Variants in SKAP1 observed in about 807,000 individuals in gnomAD.
The protein encoded by SKAP1 is src kinase associated phosphoprotein 1.
Under a neutral mutation model 58.5 loss-of-function variants are expected in SKAP1, and 44 were observed. That is an observed-to-expected ratio of 0.75 (90% CI 0.59 to 0.97). SKAP1 has a LOEUF of 0.97. Among genes scored for constraint, SKAP1 ranks in the 50% least tolerant of loss-of-function variants. The pLI, the probability that SKAP1 is intolerant of heterozygous loss-of-function variation, is 0.00. For missense variants in SKAP1, 390 were observed against 435.2 expected (o/e 0.90, Z 0.92); for synonymous variants, 127 against 149.7 (o/e 0.85, Z 1.11).
Position 48,346,015 on chromosome 17 carries a change from C to A in SKAP1, c.179-9G>T. ...CTGTCCAATGTCTCCCCCTGAGGGA[C>A]AAAAAAGACAGAAAATAAGGTTAAT... On this transcript the variant is annotated splice_polypyrimidine_tract_variant and intron_variant, in intron 3 of 12. Coordinates refer to ENST00000336915, the MANE Select transcript of SKAP1 (RefSeq NM_003726.4). The A allele has an allele frequency of 6.5e-7, 1 of 1,536,508 alleles. No individual in the cohort carries two copies. Among genetic ancestry groups the A allele is most frequent in the South Asian group, 1.2e-5 (1 of 84,246 alleles).
At chr17:48,351,560 G>A (rs890053455) in intron 3 of SKAP1, among the ~76,000 whole-genome samples, 2 of 152,092 alleles carry the variant, frequency 1.3e-5, no homozygotes, top group Non-Finnish European at 2.9e-5. Flanking sequence ...TGATAGGTCA[G>A]GTAAAGAAAG....
At chr17:48,386,200 G>C (rs770927529) in intron 2 of SKAP1, among the ~76,000 whole-genome samples, 2 of 151,500 alleles carry the variant, frequency 1.3e-5, no homozygotes, top group Non-Finnish European at 2.9e-5. Flanking sequence ...GTCTTTTGTT[G>C]TTCTCAGGTC....
At chr17:48,428,906 C>A (rs1005363618) in intron 1 of SKAP1, among the ~76,000 whole-genome samples, 1 of 151,970 alleles carries the variant, frequency 6.6e-6, no homozygotes. Context: ...ATTTTGGAAA[C>A]CTCACCTCAA....
chr17:48,419,714 A>G (rs1164069134), intron 1 of SKAP1, among the ~76,000 whole-genome samples: 1 of 152,092 alleles, frequency 6.6e-6, no homozygotes, highest in Non-Finnish European at 1.5e-5. Context: ...TACCTTAATT[A>G]ATTCCAGCTA....
At chr17:48,444,444 G>A in the SKAP1 span, among the ~76,000 whole-genome samples, 2 of 152,140 alleles carry the variant, frequency 1.3e-5, no homozygotes, top group Non-Finnish European at 2.9e-5. Context: ...GTTAGCAAAG[G>A]GCACATGAAC....
intron 4 of SKAP1, among the ~76,000 whole-genome samples, chr17:48,236,594 CT>C (rs995360318): frequency 5.9e-5 from 9 of 152,172 alleles, no homozygotes; most frequent in African/African-American, 2.2e-4. Flanking sequence ...TTATAAAATG[CT>C]GTGAGACTAT....
chr17:48,310,159 C>T (rs1013781024), intron 4 of SKAP1, among the ~76,000 whole-genome samples: 2 of 152,222 alleles, frequency 1.3e-5, no homozygotes, highest in African/African-American at 4.8e-5. Flanking sequence ...TTCCAGACAT[C>T]AGTTAACAAA....
chr17:48,396,631 A>G (rs777121777), intron 2 of SKAP1, 49 bp downstream of exon 2: 2 of 1,186,490 alleles, frequency 1.7e-6, no homozygotes, highest in Non-Finnish European at 2.5e-6. Context: ...CTGATTATAA[A>G]TTGTTTTAAA....
intron 2 of SKAP1, among the ~76,000 whole-genome samples, chr17:48,395,173 TATTTTAAAAG>T (rs1372324147): frequency 6.6e-6 from 1 of 152,202 alleles, no homozygotes. Flanking sequence ...TGTGTGTATG[TATTTTAAAAG>T]AGGATTAAGA....
intron 4 of SKAP1, among the ~76,000 whole-genome samples, chr17:48,301,761 G>A (rs2066060506): frequency 6.6e-6 from 1 of 152,150 alleles, no homozygotes. Flanking sequence ...ACAGGCGTGA[G>A]CTACCGCACC....
intron 4 of SKAP1, among the ~76,000 whole-genome samples, chr17:48,342,921 T>C (rs1351674770): frequency 1.3e-5 from 2 of 151,408 alleles, no homozygotes; most frequent in African/African-American, 2.4e-5. Flanking sequence ...GGAGGCAGAG[T>C]TTGCAGTGAG....
intron 4 of SKAP1, among the ~76,000 whole-genome samples, chr17:48,271,019 A>G (rs1393796926): frequency 6.6e-6 from 1 of 152,096 alleles, no homozygotes; most frequent in East Asian, 1.9e-4. Flanking sequence ...TGTCAGAAGG[A>G]GATAGGAGAG....
chr17:48,269,680 T>C (rs2065602192), intron 4 of SKAP1, among the ~76,000 whole-genome samples: 1 of 152,212 alleles, frequency 6.6e-6, no homozygotes, highest in African/African-American at 2.4e-5. Context: ...ACAAAATTAA[T>C]TAGCTTAGCT....
intron 5 of SKAP1, among the ~76,000 whole-genome samples, chr17:48,188,610 C>T (rs2064490957): frequency 6.6e-6 from 1 of 152,080 alleles, no homozygotes; most frequent in Non-Finnish European, 1.5e-5. Context: ...TTGCTTGAGC[C>T]CAGGATTGGA....
chr17:48,159,264 T>C (rs2064035915), intron 11 of SKAP1, among the ~76,000 whole-genome samples: 1 of 152,230 alleles, frequency 6.6e-6, no homozygotes, highest in South Asian at 2.1e-4. Flanking sequence ...AGTTTTGCAG[T>C]GTCAGGCCCA....
Position 48,338,150 on chromosome 17 carries a change from C to A in SKAP1, c.280+7755G>T, listed in dbSNP as rs1035495900. ...TTCCTTCTTTCCTTTCTTTCTTTTT[C>A]TTTCTTTCTTTCTTTTCAGACAGAG... On this transcript the variant is annotated intron_variant, in intron 4 of 12. Transcript: ENST00000336915. Among the ~76,000 whole-genome samples, 10 of 125,884 alleles carry A rather than the reference C, an allele frequency of 7.9e-5. No individual in the cohort carries two copies. In the South Asian group the frequency reaches 2.1e-3, roughly 26 times the overall value. The allele number at this position is 125,884 out of a possible 152,430, so 82.6% of individuals were successfully genotyped here. A position where few individuals can be genotyped will look rare whatever the true frequency, so the allele number is the denominator to read the frequency against.
At chr17:48,293,802 G>A (rs1207449565) in intron 4 of SKAP1, among the ~76,000 whole-genome samples, 1 of 152,204 alleles carries the variant, frequency 6.6e-6, no homozygotes, top group Non-Finnish European at 1.5e-5. Context: ...GATGAACAGT[G>A]AACGCTCTGA....
chr17:48,133,451 A>C lies in SKAP1; in HGVS notation c.*373T>G, dbSNP rs1456251880. The C allele has an allele frequency of 6.6e-6, 1 of 152,202 alleles. No homozygotes were observed. The highest frequency in any genetic ancestry group is 1.9e-4 in the East Asian group (1 of 5,194). 9.4% of individuals were successfully genotyped at this position (152,202 alleles called of 1,614,324 possible). On this transcript the variant is annotated 3_prime_UTR_variant, in exon 13 of 13. Transcript: ENST00000336915. ...TCAACATCATCACACATGGCAAGGA[A>C]CCACATCCCAAGTTTATTTGTGCTT...
At chr17:48,357,389 G>T (rs2066888341) in intron 3 of SKAP1, among the ~76,000 whole-genome samples, 1 of 152,160 alleles carries the variant, frequency 6.6e-6, no homozygotes, top group African/African-American at 2.4e-5. Context: ...CCAGCACTTT[G>T]GGAGGCTGAG....
Sources: gnomAD v4.1 joint callset for allele counts (sites outside exome capture counted in the v4.1 genomes callset) on GRCh38, gnomAD v4.1.1 for gene constraint, MANE v1.5 for transcripts, NCBI Gene and HGNC (gene_info 2026-07-23, HGNC 2026-07-21) for gene names.